The following BBS9 variants were observed in gnomAD, a reference collection of about 807,000 sequenced individuals.
BBS9 encodes the protein Bardet-Biedl syndrome 9, also known as protein PTHB1.
BBS9 carries 89 observed loss-of-function variants against 117.7 expected under a neutral mutation model. The ratio of observed to expected loss-of-function variants is 0.76; its 90% confidence interval spans 0.64 to 0.90. The LOEUF (loss-of-function observed/expected upper bound fraction) is 0.90, where lower values mean the gene tolerates loss of function less well. BBS9 is among the 40% of genes least tolerant of loss of function. The probability of loss-of-function intolerance (pLI) is 0.00; values close to 1 mark genes in which losing one functional copy is unlikely to be tolerated. For synonymous variants in BBS9, 379 were observed against 370.9 expected (o/e 1.02, Z -0.25); for missense variants, 982 against 1,042.2 (o/e 0.94, Z 0.80).
At chr7:33,272,152 A>G (rs144907086) in intron 7 of BBS9, among the ~76,000 whole-genome samples, 205 of 152,298 alleles carry the variant, frequency 1.3e-3, no homozygotes, top group African/African-American at 4.8e-3. Context: ...AGAAAACCAA[A>G]TATCACATGT....
intron 19 of BBS9, among the ~76,000 whole-genome samples, chr7:33,499,122 C>T (rs1040441725): frequency 6.6e-6 from 1 of 152,278 alleles, no homozygotes; most frequent in Non-Finnish European, 1.5e-5. Context: ...ATAAAACCCC[C>T]ATGTCAACAA....
chr7:33,240,492 A>G (rs192402048), intron 5 of BBS9, among the ~76,000 whole-genome samples: 346 of 152,172 alleles, frequency 2.3e-3, no homozygotes, highest in African/African-American at 8.2e-3. Flanking sequence ...GGCTCAAGCA[A>G]TTCTCCCACC....
At chr7:33,516,194 A>G (rs1847750489) in intron 20 of BBS9, among the ~76,000 whole-genome samples, 1 of 152,112 alleles carries the variant, frequency 6.6e-6, no homozygotes, top group Non-Finnish European at 1.5e-5. Flanking sequence ...AATGTCCTAT[A>G]ATTGATGGAA....
intron 21 of BBS9, among the ~76,000 whole-genome samples, chr7:33,614,112 A>G (rs1865017004): frequency 6.6e-6 from 1 of 152,144 alleles, no homozygotes. Context: ...CAGCTTTCAC[A>G]TTGATAGTTT....
chr7:33,365,395 A>G (rs1242858155), intron 16 of BBS9, among the ~76,000 whole-genome samples: 2 of 152,224 alleles, frequency 1.3e-5, no homozygotes, highest in African/African-American at 4.8e-5. Flanking sequence ...TGGCAAGGGC[A>G]TAGCAATGTA....
intron 18 of BBS9, among the ~76,000 whole-genome samples, chr7:33,385,390 C>T (rs1563098664): frequency 6.6e-6 from 1 of 152,124 alleles, no homozygotes; most frequent in Non-Finnish European, 1.5e-5. Context: ...ACTTTGAATA[C>T]AGTTGGGTTT....
At chr7:33,417,331 A>G (rs1832172750) in intron 19 of BBS9, among the ~76,000 whole-genome samples, 1 of 152,186 alleles carries the variant, frequency 6.6e-6, no homozygotes, top group Admixed American at 6.5e-5. Flanking sequence ...GTGGGCTTGA[A>G]TACTCTACTA....
At chr7:33,365,316 G>T (rs1821475775) in intron 16 of BBS9, among the ~76,000 whole-genome samples, 1 of 152,096 alleles carries the variant, frequency 6.6e-6, no homozygotes, top group Admixed American at 6.6e-5. Flanking sequence ...TGCTGATTTT[G>T]GTACGAAAGA....
chr7:33,492,134 T>G (rs1315250390), intron 19 of BBS9, among the ~76,000 whole-genome samples: 5 of 132,062 alleles, frequency 3.8e-5, no homozygotes, highest in Non-Finnish European at 6.2e-5. Flanking sequence ...ACCTGGGAGG[T>G]GGAGGCTACA....
intron 6 of BBS9, among the ~76,000 whole-genome samples, chr7:33,258,983 A>G (rs1583928603): frequency 6.6e-6 from 1 of 152,192 alleles, no homozygotes; most frequent in Admixed American, 6.5e-5. Context: ...GCTCATTTAT[A>G]ATGGTAAAAA....
At chr7:33,286,676 T>G (rs1802956300) in intron 9 of BBS9, among the ~76,000 whole-genome samples, 1 of 151,998 alleles carries the variant, frequency 6.6e-6, no homozygotes, top group African/African-American at 2.4e-5. Flanking sequence ...AAAAAGTGAT[T>G]TATTTGTGTG....
chr7:33,483,496 C>G (rs1842743492), intron 19 of BBS9, among the ~76,000 whole-genome samples: 1 of 152,154 alleles, frequency 6.6e-6, no homozygotes, highest in South Asian at 2.1e-4. Context: ...TCCAATTAGT[C>G]TTTTCTAACA....
chr7:33,433,822 A>T (rs1834887796), intron 19 of BBS9, among the ~76,000 whole-genome samples: 1 of 152,108 alleles, frequency 6.6e-6, no homozygotes, highest in African/African-American at 2.4e-5. Context: ...AATTTGAAAA[A>T]TTTGGAATGT....
chr7:33,313,043 G>A (rs531599241), intron 9 of BBS9, among the ~76,000 whole-genome samples: 2 of 147,892 alleles, frequency 1.4e-5, no homozygotes, highest in Non-Finnish European at 2.9e-5. Context: ...TGTGGTGTGT[G>A]TGTGTGTGTG....
At chr7:33,279,765 C>T (rs866495086) in intron 9 of BBS9, among the ~76,000 whole-genome samples, 1 of 151,970 alleles carries the variant, frequency 6.6e-6, no homozygotes, top group Non-Finnish European at 1.5e-5. Flanking sequence ...TAATTATTTT[C>T]AATTTTTGTA....
chr7:33,168,967 C>T (rs927752567), intron 4 of BBS9, among the ~76,000 whole-genome samples: 77 of 151,972 alleles, frequency 5.1e-4, no homozygotes, highest in African/African-American at 1.8e-3. Flanking sequence ...CCGCTCCCCC[C>T]ACCCCACCAC....
chr7:33,268,895 C>A (rs1799278300), intron 7 of BBS9, among the ~76,000 whole-genome samples: 1 of 152,132 alleles, frequency 6.6e-6, no homozygotes, highest in Admixed American at 6.5e-5. Context: ...CAAATGCTAG[C>A]CTGTTACAAT....
At chr7:33,478,316 G>C (rs956842416) in intron 19 of BBS9, among the ~76,000 whole-genome samples, 1 of 152,134 alleles carries the variant, frequency 6.6e-6, no homozygotes, top group Non-Finnish European at 1.5e-5. Context: ...CTTGGGCCCA[G>C]GTTATAAACC....
intron 21 of BBS9, among the ~76,000 whole-genome samples, chr7:33,631,268 G>A (rs1306684199): frequency 1.3e-5 from 2 of 152,128 alleles, no homozygotes; most frequent in South Asian, 2.1e-4. Context: ...CCCTGCAGGC[G>A]ACTTAAGGAT....
Sources: allele counts gnomAD v4.1 joint callset (sites outside exome capture counted in the v4.1 genomes callset), GRCh38; gene constraint gnomAD v4.1.1; transcripts MANE v1.5; gene names NCBI Gene and HGNC (gene_info 2026-07-23, HGNC 2026-07-21).